The following TTC27 variants were observed in gnomAD, a reference collection of about 807,000 sequenced individuals.
The protein encoded by TTC27 is tetratricopeptide repeat domain 27, also known as tetratricopeptide repeat protein 27.
Under a neutral mutation model 115.9 loss-of-function variants are expected in TTC27, and 79 were observed. The observed-to-expected ratio is 0.68, with a 90% CI of 0.57 to 0.82. TTC27 has a LOEUF of 0.82. Among genes scored for constraint, TTC27 ranks in the 40% least tolerant of loss-of-function variants. The pLI, the probability that TTC27 is intolerant of heterozygous loss-of-function variation, is 0.00. For missense variants in TTC27, 1,054 were observed against 993.1 expected, an observed-to-expected ratio of 1.06 and a Z score of -0.82; for synonymous variants, 401 against 356.0, an observed-to-expected ratio of 1.13 and a Z score of -1.42.
chr2:32,702,389 T>C (rs2151900872), intron 9 of TTC27, among the ~76,000 whole-genome samples: 1 of 152,294 alleles, frequency 6.6e-6, no homozygotes, highest in East Asian at 1.9e-4. Flanking sequence ...TTTGTCCCTG[T>C]TTTCACTTAT....
In TTC27 at chr2:32,649,575, C is replaced by T. The variant is rs183062602; in HGVS notation, c.538-556C>T. On this transcript the variant is annotated intron_variant, in intron 4 of 19. Transcript: ENST00000317907. ...TTTTTTTTTTTTTGAGACAGGGTCT[C>T]GCTGTGTTGCCCAGGCTAGAGTGCA... is the stretch of plus-strand genomic sequence containing the variant. 9.9e-3 allele frequency among the ~76,000 whole-genome samples: 1,478 copies of T among 149,134 alleles called. 12 individuals are homozygous for T. The highest frequency in any genetic ancestry group is 0.013 in the Non-Finnish European group (909 of 67,486).
rs139108492 is a variant in TTC27, at chr2:32,649,268, T to C, written c.538-863T>C. On this transcript the variant is annotated intron_variant, in intron 4 of 19. Transcript: ENST00000317907. The stretch of plus-strand genomic sequence containing the variant: ...TCTGAATCCAAGGTATTTCTTACTG[T>C]GTAGATTATGTAAAATACATTGCTT... Among the ~76,000 whole-genome samples, 33 of 152,268 alleles carry C rather than the reference T, an allele frequency of 2.2e-4. 1 individual carries two copies. In the East Asian group the frequency reaches 5.8e-3, roughly 27 times the overall value.
In TTC27 at chr2:32,682,516, G is replaced by A. The variant is rs79709097; in HGVS notation, c.1119+3594G>A. 3.9e-5 allele frequency among the ~76,000 whole-genome samples: 6 copies of A among 152,264 alleles called. No individual in the cohort carries two copies. In the East Asian group the frequency reaches 9.6e-4, roughly 24 times the overall value. On this transcript the variant is annotated intron_variant, in intron 9 of 19. Transcript: ENST00000317907. ...TTGGCCATAGATGTGGAAGAGAAGG[G>A]AACAGAGAGGAAAGAAACAGCATGG...
chr2:32,640,338 C>T lies in TTC27; in HGVS notation c.465C>T (p.Thr155=). 2 of 1,613,976 alleles carry T rather than the reference C, an allele frequency of 1.2e-6. No homozygotes were observed. The highest frequency in any genetic ancestry group is 1.1e-5 in the South Asian group (1 of 91,080). Residue 155 remains threonine, a synonymous_variant, in exon 4 of 20, where the codon ACC becomes ACT. Coordinates refer to ENST00000317907, the MANE Select transcript of TTC27 (RefSeq NM_017735.5). ...ATGGTGAATCAATCTACAGCCTGAC[C>T]TCGAAGCCTATACTACTGTTATTAG... The part of the protein sequence containing the change: ...TLDGESIYSL[T]SKPILLLLAR...
At chr2:32,746,530 T>C (rs946414413) in intron 12 of TTC27, among the ~76,000 whole-genome samples, 2 of 109,226 alleles carry the variant, frequency 1.8e-5, no homozygotes, top group Non-Finnish European at 3.5e-5. Flanking sequence ...ACCATTGCAC[T>C]CCAGCCTTGG....
At chr2:32,738,073 C>A (rs1222234291) in intron 12 of TTC27, among the ~76,000 whole-genome samples, 1 of 152,096 alleles carries the variant, frequency 6.6e-6, no homozygotes, top group Non-Finnish European at 1.5e-5. Context: ...CCATAAACAT[C>A]CATTCTAGCT....
chr2:32,630,673 A>T lies in TTC27; in HGVS notation c.239A>T (p.Tyr80Phe), dbSNP rs147510562. 1.2e-6 allele frequency: 2 copies of T among 1,611,830 alleles called. No homozygotes were observed. The highest frequency in any genetic ancestry group is 1.7e-6 in the Non-Finnish European group (2 of 1,179,388). ...AAGCAGGTAGTAACATTCCTGGATT[A>T]CTCAACAGATTTGGACACAACGGAA... is the stretch of plus-strand genomic sequence containing the variant. ...LEKQVVTFLDYSTDLDTTERQ... is the reference protein window; with the variant it reads ...LEKQVVTFLDFSTDLDTTERQ... The change falls in exon 2 of 20, where the codon TAC becomes TTC. Residue 80 changes from tyrosine (Y) to phenylalanine (F), a missense_variant. Physicochemically the swap from Tyr to Phe is conservative, Grantham distance 22. Coordinates refer to ENST00000317907, the MANE Select transcript of TTC27 (RefSeq NM_017735.5).
At chr2:32,637,561 G>C (rs1463620107) in intron 3 of TTC27, among the ~76,000 whole-genome samples, 1 of 152,076 alleles carries the variant, frequency 6.6e-6, no homozygotes, top group Admixed American at 6.6e-5. Context: ...TCAAGCTCTT[G>C]ACCTTATGAT....
intron 4 of TTC27, among the ~76,000 whole-genome samples, chr2:32,649,168 C>T (rs917710855): frequency 9.2e-5 from 14 of 152,014 alleles, no homozygotes; most frequent in African/African-American, 3.1e-4. Flanking sequence ...CAGTATGTGC[C>T]ACACTAGCAG....
chr2:32,773,128 A>G (rs1163643405), intron 13 of TTC27, among the ~76,000 whole-genome samples: 1 of 152,214 alleles, frequency 6.6e-6, no homozygotes, highest in Non-Finnish European at 1.5e-5. Context: ...TCACATTCAA[A>G]ATAAACAGTT....
At position 32,781,305 on chromosome 2, in the gene TTC27, T is replaced by C. The variant is rs115222108; in HGVS notation, c.1780-1321T>C. On this transcript the variant is annotated intron_variant, in intron 14 of 19. Coordinates refer to ENST00000317907, the MANE Select transcript of TTC27 (RefSeq NM_017735.5). ...TTTAAATCTTTGAACATGTTTATAA[T>C]AACTGCTTTGAAATCCTGTGCTTAT... is the stretch of plus-strand genomic sequence containing the variant. 5.4e-4 allele frequency among the ~76,000 whole-genome samples: 82 copies of C among 152,376 alleles called. 1 individual carries two copies. The highest frequency in any genetic ancestry group is 1.9e-3 in the African/African-American group (80 of 41,588).
At chr2:32,794,170 G>A (rs1460855493) in intron 16 of TTC27, among the ~76,000 whole-genome samples, 1 of 152,072 alleles carries the variant, frequency 6.6e-6, no homozygotes, top group Non-Finnish European at 1.5e-5. Context: ...AGTGCACATG[G>A]GACATTATCT....
At chr2:32,666,470 A>C (rs1665780345) in intron 6 of TTC27, among the ~76,000 whole-genome samples, 165 bp from the exon 7 acceptor site, 1 of 151,766 alleles carries the variant, frequency 6.6e-6, no homozygotes, top group Non-Finnish European at 1.5e-5. Context: ...TTGGCTTTCT[A>C]ATTTTATAAG....
intron 9 of TTC27, 24 bp from the exon 10 acceptor site, chr2:32,702,782 AT>A: frequency 6.6e-7 from 1 of 1,510,610 alleles, no homozygotes; most frequent in Non-Finnish European, 9.2e-7. Context: ...CTTTTCTATG[AT>A]TTTTTTCTTC....
At chr2:32,764,524 T>C (rs918782671) in intron 13 of TTC27, among the ~76,000 whole-genome samples, 1 of 152,228 alleles carries the variant, frequency 6.6e-6, no homozygotes, top group Non-Finnish European at 1.5e-5. Context: ...TGTCTCAGTG[T>C]TAATGGTTGC....
At chr2:32,768,149 T>C (rs984189691) in intron 13 of TTC27, among the ~76,000 whole-genome samples, 1 of 152,226 alleles carries the variant, frequency 6.6e-6, no homozygotes, top group East Asian at 1.9e-4. Flanking sequence ...TATGGAAATG[T>C]ACAAAATTAT....
chr2:32,797,808 AAC>A (rs1294567256), intron 16 of TTC27, among the ~76,000 whole-genome samples: 1 of 152,332 alleles, frequency 6.6e-6, no homozygotes, highest in East Asian at 1.9e-4. Flanking sequence ...AAACAGTATC[AAC>A]GGAGTAAAAA....
At position 32,820,997 on chromosome 2, in the gene TTC27, G is replaced by A; in HGVS notation, c.*59G>A. The A allele has an allele frequency of 1.5e-6, 2 of 1,358,362 alleles. No individual in the cohort carries two copies. Among genetic ancestry groups the A allele is most frequent in the Non-Finnish European group, 1.9e-6 (2 of 1,039,098 alleles). 84.1% of individuals were successfully genotyped at this position (1,358,362 alleles called of 1,614,324 possible). The stretch of plus-strand genomic sequence containing the variant: ...TCACCTGCTGGTAAAAGATACATCT[G>A]TATATCTGAAATGCAAGATATTGAT... On this transcript the variant is annotated 3_prime_UTR_variant, in exon 20 of 20. Transcript: ENST00000317907.
At chr2:32,698,383 C>G (rs991753239) in intron 9 of TTC27, among the ~76,000 whole-genome samples, 1 of 151,836 alleles carries the variant, frequency 6.6e-6, no homozygotes, top group African/African-American at 2.4e-5. Flanking sequence ...TCTCCCACTT[C>G]AGCCTCCCGA....
Sources: gnomAD v4.1 joint callset for allele counts (sites outside exome capture counted in the v4.1 genomes callset) on GRCh38, gnomAD v4.1.1 for gene constraint, MANE v1.5 for transcripts, NCBI Gene and HGNC (gene_info 2026-07-23, HGNC 2026-07-21) for gene names.